The following ZNG1A variants were observed in gnomAD, a reference collection of about 807,000 sequenced individuals.
ZNG1A encodes zinc-regulated GTPase metalloprotein activator 1A.
At chr9:155,856 G>A in the ZNG1A span, among the ~76,000 whole-genome samples, 1 of 149,916 alleles carries the variant, frequency 6.7e-6, no homozygotes, top group Non-Finnish European at 1.5e-5. Flanking sequence ...TGTAATCCCA[G>A]CACTTTGGGA....
chr9:129,962 A>G, the ZNG1A span, among the ~76,000 whole-genome samples: 1 of 150,712 alleles, frequency 6.6e-6, no homozygotes, highest in South Asian at 2.1e-4. Context: ...GCTATGCTGT[A>G]TAGCCTGTTG....
chr9:177,616 G>A, the ZNG1A span: 2 of 1,519,440 alleles, frequency 1.3e-6, no homozygotes, highest in East Asian at 2.5e-5. Flanking sequence ...AAGGGAAAAT[G>A]GTCAGGGATA....
At chr9:177,802 C>T in the ZNG1A span, 4 of 1,511,684 alleles carry the variant, frequency 2.6e-6, no homozygotes, top group East Asian at 4.9e-5. Context: ...ATCTTCTCAG[C>T]AGAGCAGCCT....
chr9:160,278 G>T, the ZNG1A span: 4 of 428,286 alleles, frequency 9.3e-6, no homozygotes, highest in Admixed American at 7.4e-5. Context: ...ACTTGTGATG[G>T]GCTGGCTCTG....
the ZNG1A span, chr9:148,838 TG>T: frequency 6.8e-6 from 1 of 147,776 alleles, no homozygotes. Flanking sequence ...CTCTCCAAGG[TG>T]GGGGTGGAAT....
At chr9:166,131 C>T in the ZNG1A span, 1 of 117,372 alleles carries the variant, frequency 8.5e-6, no homozygotes, top group African/African-American at 3.9e-5. Flanking sequence ...GGGCTCAGAA[C>T]AAAGAGAAAT....
the ZNG1A span, chr9:147,398 T>G: frequency 1.1e-5 from 1 of 92,752 alleles, no homozygotes; most frequent in East Asian, 2.3e-4. Context: ...GAAAAACATC[T>G]CCTTTATCTT....
At chr9:127,239 T>C in the ZNG1A span, among the ~76,000 whole-genome samples, 2 of 152,090 alleles carry the variant, frequency 1.3e-5, no homozygotes, top group South Asian at 4.1e-4. Context: ...CTTTGTTGAC[T>C]TTCTGTCTTG....
chr9:158,748 T>C, the ZNG1A span, among the ~76,000 whole-genome samples: 4 of 151,392 alleles, frequency 2.6e-5, no homozygotes, highest in Non-Finnish European at 5.9e-5. Context: ...TGCCAATATT[T>C]ACAGCTGTAT....
chr9:147,171 G>A, the ZNG1A span: 2 of 81,432 alleles, frequency 2.5e-5, no homozygotes, highest in South Asian at 5.3e-4. Context: ...GTGAGACTCC[G>A]CCTCAAAAGA....
the ZNG1A span, chr9:146,180 T>C: frequency 6.3e-7 from 1 of 1,582,358 alleles, no homozygotes; most frequent in Non-Finnish European, 8.5e-7. Flanking sequence ...AAAACTAACG[T>C]GAGCAGTTGG....
At chr9:176,700 A>G in the ZNG1A span, among the ~76,000 whole-genome samples, 2 of 152,102 alleles carry the variant, frequency 1.3e-5, no homozygotes, top group African/African-American at 4.8e-5. Flanking sequence ...CAATGAGGAA[A>G]ATCTTAAAAC....
At chr9:147,908 C>G in the ZNG1A span, 4 of 150,522 alleles carry the variant, frequency 2.7e-5, no homozygotes, top group Non-Finnish European at 4.4e-5. Context: ...CACCTGTAAT[C>G]CCAGCTACTC....
At chr9:149,454 T>C in the ZNG1A span, 1 of 152,134 alleles carries the variant, frequency 6.6e-6, no homozygotes, top group Non-Finnish European at 1.5e-5. Flanking sequence ...AAAGCCTTAT[T>C]CATTCTTTAA....
At chr9:160,411 G>A in the ZNG1A span, among the ~76,000 whole-genome samples, 24 of 152,186 alleles carry the variant, frequency 1.6e-4, no homozygotes, top group Admixed American at 3.3e-4. Flanking sequence ...AATTGGACAA[G>A]TTGGAAAATT....
the ZNG1A span, chr9:154,339 A>T: frequency 1.1e-5 from 4 of 364,230 alleles, no homozygotes; most frequent in African/African-American, 8.4e-5. Flanking sequence ...CAGAGTGAGA[A>T]TACATTACGA....
At chr9:171,535 G>C in the ZNG1A span, 2 of 155,022 alleles carry the variant, frequency 1.3e-5, no homozygotes, top group South Asian at 3.9e-4. Context: ...GTAGAGTTCA[G>C]AGTTTCCTGT....
chr9:177,944 A>G, the ZNG1A span: 9 of 1,264,156 alleles, frequency 7.1e-6, no homozygotes, highest in Non-Finnish European at 9.8e-6. Context: ...TTTTTACATA[A>G]AAGGTCACGA....
At chr9:173,431 G>C in the ZNG1A span, 1 of 1,605,100 alleles carries the variant, frequency 6.2e-7, no homozygotes, top group South Asian at 1.1e-5. Context: ...ACAAAGATGA[G>C]GATAACTCAA....
Sources: gnomAD v4.1 joint callset for allele counts (sites outside exome capture counted in the v4.1 genomes callset) on GRCh38, gnomAD v4.1.1 for gene constraint, MANE v1.5 for transcripts, NCBI Gene and HGNC (gene_info 2026-07-23, HGNC 2026-07-21) for gene names.